The following ZNF254 variants were observed in gnomAD, a reference collection of about 807,000 sequenced individuals.
The protein encoded by ZNF254 is CTD-2017D11.1.
A neutral mutation model predicts 12.4 loss-of-function variants in ZNF254; 10 were observed. The ratio of observed to expected loss-of-function variants is 0.80; its 90% CI spans 0.50 to 1.36. The LOEUF is 1.36. Among genes scored for constraint, ZNF254 ranks in the 40% most tolerant of loss-of-function variants. ZNF254 has a pLI of 0.00. For synonymous variants in ZNF254, 305 were observed against 253.4 expected (o/e 1.20, Z -1.93); for missense variants, 996 against 763.9 (o/e 1.30, Z -3.58).
intron 1 of ZNF254, among the ~76,000 whole-genome samples, chr19:24,041,171 GC>G (rs1411686430): frequency 1.3e-5 from 2 of 152,350 alleles, no homozygotes; most frequent in East Asian, 3.9e-4. Context: ...CAGAGCCCTC[GC>G]TTGCTCTCGG....
chr19:24,106,567 A>T lies in ZNF254; in HGVS notation c.177A>T (p.Pro59=). ...LAFLGIAVSK[P]DLITCLEQGK... is the part of the protein sequence containing the mutation. The stretch of plus-strand genomic sequence containing the variant: ...AAACAGGTATTGCTGTCTCTAAGCC[A>T]GACCTGATCACCTGTCTGGAACAAG... The change falls in exon 3 of 4, where the codon CCA becomes CCT. Residue 59 remains proline (P), a synonymous_variant. Coordinates refer to ENST00000357002, the MANE Select transcript of ZNF254 (RefSeq NM_203282.4). 1 of 1,583,022 alleles carries T rather than the reference A, an allele frequency of 6.3e-7. No homozygotes were observed. Among genetic ancestry groups the T allele is most frequent in the South Asian group, 1.1e-5 (1 of 90,746 alleles).
chr19:24,035,367 T>C (rs979737530), intron 1 of ZNF254, among the ~76,000 whole-genome samples: 1 of 152,138 alleles, frequency 6.6e-6, no homozygotes, highest in Non-Finnish European at 1.5e-5. Context: ...TTCACCATGT[T>C]GGCCAGGCTG....
chr19:24,127,633 C>T lies in ZNF254; in HGVS notation c.1633C>T (p.Pro545Ser). The T allele has an allele frequency of 1.9e-6, 3 of 1,610,774 alleles. No homozygotes were observed. The highest frequency in any genetic ancestry group is 2.5e-6 in the Non-Finnish European group (3 of 1,178,298). ...TAAGATAATTCATACTGAAGAGAAA[C>T]CCTACAAATGTGAAAAATGTGGCAA... is the stretch of plus-strand genomic sequence containing the variant. ...KHKIIHTEEK[P>S]YKCEKCGKAF... Residue 545 changes from proline to serine, a missense_variant, in exon 4 of 4, where the codon CCC (proline) becomes TCC (serine). By Grantham distance (74) the Pro-to-Ser change is moderately conservative. Coordinates refer to ENST00000357002, the MANE Select transcript of ZNF254 (RefSeq NM_203282.4).
intron 2 of ZNF254, among the ~76,000 whole-genome samples, chr19:24,070,667 T>C (rs1413521344): frequency 2.6e-5 from 4 of 152,230 alleles, no homozygotes; most frequent in Non-Finnish European, 5.9e-5. Context: ...ATTCATGTTA[T>C]TCCTGAGCCT....
At chr19:24,107,271 TTAAATC>T in intron 3 of ZNF254, 1 of 636,774 alleles carries the variant, frequency 1.6e-6, no homozygotes, top group Non-Finnish European at 2.8e-6. Flanking sequence ...AAGGAGTTCT[TTAAATC>T]TACAGGTCAC....
chr19:24,115,805 A>G (rs946455163), intron 3 of ZNF254, among the ~76,000 whole-genome samples: 2 of 152,160 alleles, frequency 1.3e-5, no homozygotes, highest in Non-Finnish European at 2.9e-5. Flanking sequence ...GGTTTCTACA[A>G]TTTGGCATGA....
At chr19:24,102,232 T>G (rs1973074864) in intron 1 of ZNF254, among the ~76,000 whole-genome samples, 1 of 149,158 alleles carries the variant, frequency 6.7e-6, no homozygotes, top group African/African-American at 2.5e-5. Flanking sequence ...AAAATTTGTT[T>G]TTTTTTTTTT....
intron 3 of ZNF254, 58 bp from the exon 4 acceptor site, chr19:24,126,196 C>T (rs948075886): frequency 1.7e-5 from 20 of 1,174,040 alleles, no homozygotes; most frequent in Non-Finnish European, 2.2e-5. Flanking sequence ...GATTTTTAAA[C>T]TATATTCATG....
At chr19:24,098,032 T>C (rs1972775925) in intron 1 of ZNF254, among the ~76,000 whole-genome samples, 1 of 152,154 alleles carries the variant, frequency 6.6e-6, no homozygotes, top group Admixed American at 6.5e-5. Flanking sequence ...AATGAATTCC[T>C]TAAATAGCTA....
chr19:24,053,055 C>G (rs1970708886), intron 2 of ZNF254, among the ~76,000 whole-genome samples: 1 of 152,214 alleles, frequency 6.6e-6, no homozygotes, highest in African/African-American at 2.4e-5. Context: ...ACAGTAAAGA[C>G]TGTCATCCTT....
At chr19:24,066,695 AAACAAAACAAAACAAAAC>A (rs916055175) in intron 2 of ZNF254, 2 of 110,666 alleles carry the variant, frequency 1.8e-5, no homozygotes, top group Non-Finnish European at 3.3e-5. Flanking sequence ...AAACAAAACA[AAACAAAACAAAACAAAAC>A]AAAACAAAAC....
chr19:24,114,252 GCAT>G (rs1568465382), intron 3 of ZNF254, among the ~76,000 whole-genome samples: 2 of 151,708 alleles, frequency 1.3e-5, no homozygotes, highest in African/African-American at 4.9e-5. Flanking sequence ...AAAGCTGGAG[GCAT>G]CATGCTACCT....
rs373535067 is a variant in ZNF254 at position 24,087,375 on chromosome 19, G to A, written c.30+38G>A. 1.2e-5 allele frequency: 19 copies of A among 1,612,698 alleles called. No individual in the cohort carries two copies. The African/African-American group carries it at 1.9e-4, about 16-fold the overall frequency. On this transcript the variant is annotated intron_variant, in intron 1 of 3. Coordinates refer to ENST00000357002, the MANE Select transcript of ZNF254 (RefSeq NM_203282.4). The stretch of plus-strand genomic sequence containing the variant: ...GTCCGACATCCCGAGAGAGGGGAGG[G>A]GGCTGGTTGGAACTGGTGGGAAGCG...
At chr19:24,099,175 T>C (rs1568455446) in intron 1 of ZNF254, among the ~76,000 whole-genome samples, 2 of 142,812 alleles carry the variant, frequency 1.4e-5, no homozygotes, top group East Asian at 2.0e-4. Flanking sequence ...TTTTTTTTTT[T>C]CTTGTATTTT....
intron 3 of ZNF254, among the ~76,000 whole-genome samples, chr19:24,118,147 G>T (rs1299123917): frequency 1.3e-5 from 2 of 151,364 alleles, no homozygotes; most frequent in Non-Finnish European, 2.9e-5. Context: ...CCGCCTCCCG[G>T]GTTTCAAGCG....
chr19:24,118,828 C>T (rs1974284088), intron 3 of ZNF254, among the ~76,000 whole-genome samples: 1 of 151,912 alleles, frequency 6.6e-6, no homozygotes, highest in African/African-American at 2.4e-5. Flanking sequence ...AAGAAGTTAT[C>T]TGGCCTGGAA....
chr19:24,043,225 T>TA (rs1033319082), intron 1 of ZNF254, among the ~76,000 whole-genome samples: 1 of 152,102 alleles, frequency 6.6e-6, no homozygotes, highest in African/African-American at 2.4e-5. Flanking sequence ...TATGTCATCT[T>TA]AAAAATCTAA....
rs766484656 is a variant in ZNF254, at chr19:24,087,906, G to GTTT, written c.30+585_30+587dup. On this transcript the variant is annotated intron_variant, in intron 1 of 3. Transcript: ENST00000357002. ...GCTAGGTACAGCAATCTAGGTTGTC[G>GTTT]TTTTTTTTTTTTTTTTTTCTTTTTT... Among the ~76,000 whole-genome samples the GTTT allele has an allele frequency of 7.1e-5, 9 of 126,358 alleles. No individual in the cohort carries two copies. In the East Asian group the frequency reaches 7.2e-4, roughly 10 times the overall value. 82.9% of individuals were successfully genotyped at this position (126,358 alleles called of 152,430 possible).
At chr19:24,041,096 C>G (rs1970136172) in intron 1 of ZNF254, among the ~76,000 whole-genome samples, 1 of 152,232 alleles carries the variant, frequency 6.6e-6, no homozygotes. Flanking sequence ...GCCCAGGCTT[C>G]CAGTTAGGAT....
Sources: allele counts gnomAD v4.1 joint callset (sites outside exome capture counted in the v4.1 genomes callset), GRCh38; gene constraint gnomAD v4.1.1; transcripts MANE v1.5; gene names NCBI Gene and HGNC (gene_info 2026-07-23, HGNC 2026-07-21).